GNAI3: variants seen among roughly 807,000 people sequenced by gnomAD.
GNAI3 encodes the protein guanine nucleotide-binding protein G(i) subunit alpha-3.
A neutral mutation model predicts 41.8 loss-of-function variants in GNAI3; 12 were observed. The ratio of observed to expected loss-of-function variants is 0.29; its 90% confidence interval spans 0.18 to 0.47. The LOEUF (loss-of-function observed/expected upper bound fraction) is 0.47. GNAI3 is among the 20% of genes least tolerant of loss of function. GNAI3 has a pLI of 1.00. For missense variants in GNAI3, 360 were observed against 429.6 expected, an observed-to-expected ratio of 0.84 and a Z score of 1.43; for synonymous variants, 132 against 146.5, an observed-to-expected ratio of 0.90 and a Z score of 0.71.
At chr1:109,555,606 A>G (rs918800748) in intron 1 of GNAI3, among the ~76,000 whole-genome samples, 1 of 152,194 alleles carries the variant, frequency 6.6e-6, no homozygotes, top group Admixed American at 6.5e-5. Context: ...GGTGCTTAAT[A>G]CTAGATTTCA....
intron 3 of GNAI3, among the ~76,000 whole-genome samples, chr1:109,577,939 T>A (rs1263381636): frequency 6.6e-6 from 1 of 152,228 alleles, no homozygotes; most frequent in East Asian, 1.9e-4. Context: ...CCCTTTCTCC[T>A]TTACTTTTTC....
chr1:109,591,194 T>C (rs1197817368), intron 7 of GNAI3, among the ~76,000 whole-genome samples: 2 of 152,242 alleles, frequency 1.3e-5, no homozygotes, highest in Non-Finnish European at 2.9e-5. Flanking sequence ...ATTCACTCTT[T>C]TAAAGTGTAT....
intron 1 of GNAI3, among the ~76,000 whole-genome samples, chr1:109,569,772 TG>T (rs1212376454): frequency 6.6e-6 from 1 of 151,286 alleles, no homozygotes; most frequent in African/African-American, 2.4e-5. Context: ...CAGGGAGCCT[TG>T]GAAAAATGTG....
chr1:109,560,661 C>G (rs986201455), intron 1 of GNAI3, among the ~76,000 whole-genome samples: 1 of 152,198 alleles, frequency 6.6e-6, no homozygotes, highest in Non-Finnish European at 1.5e-5. Context: ...TGTGATCCTC[C>G]TGTGTCAGCC....
At chr1:109,548,874 G>A in intron 1 of GNAI3, 36 bp downstream of exon 1, 1 of 1,365,712 alleles carries the variant, frequency 7.3e-7, no homozygotes, top group Non-Finnish European at 1.0e-6. Flanking sequence ...GTGGTGGTCG[G>A]GAGAGCCTAG....
At chr1:109,554,306 ACT>A (rs1314661944) in intron 1 of GNAI3, among the ~76,000 whole-genome samples, 1 of 152,144 alleles carries the variant, frequency 6.6e-6, no homozygotes, top group African/African-American at 2.4e-5. Context: ...GAACCTACAC[ACT>A]GTTTCCCATA....
At position 109,569,623 on chromosome 1, in the gene GNAI3, G is replaced by A. The variant is rs780221000; in HGVS notation, c.119-4114G>A. 2.6e-5 allele frequency among the ~76,000 whole-genome samples: 4 copies of A among 152,074 alleles called. No homozygotes were observed. In the South Asian group the frequency reaches 6.2e-4, roughly 24 times the overall value. On this transcript the variant is annotated intron_variant, in intron 1 of 8. Coordinates refer to ENST00000369851, the MANE Select transcript of GNAI3 (RefSeq NM_006496.4). ...AAGAGCCCAGACCTAATAAGAAAGG[G>A]TTATAGAAAGTGTTTCAATAATTTG...
intron 2 of GNAI3, 37 bp downstream of exon 2, chr1:109,573,816 T>C (rs1648668642): frequency 6.3e-7 from 1 of 1,593,570 alleles, no homozygotes; most frequent in Admixed American, 1.7e-5. Context: ...GACTAGGATT[T>C]CTCCTAATGC....
Position 109,582,503 on chromosome 1 carries a change from G to A in GNAI3, c.528G>A (p.Arg176=), listed in dbSNP as rs776209584. 9 of 1,596,298 alleles carry A rather than the reference G, an allele frequency of 5.6e-6. No homozygotes were observed. The South Asian group carries it at 8.8e-5, about 16-fold the overall frequency. ...TTCCAACTCAGCAAGATGTTCTTCG[G>A]ACGAGAGTGAAGACCACAGGCATTG... is the stretch of plus-strand genomic sequence containing the variant. ...NYIPTQQDVL[R]TRVKTTGIVE... Residue 176 remains arginine, a synonymous_variant, in exon 5 of 9, where the codon CGG becomes CGA. Coordinates refer to ENST00000369851, the MANE Select transcript of GNAI3 (RefSeq NM_006496.4).
At chr1:109,578,336 G>A (rs1449888535) in intron 3 of GNAI3, among the ~76,000 whole-genome samples, 1 of 152,038 alleles carries the variant, frequency 6.6e-6, no homozygotes, top group Non-Finnish European at 1.5e-5. Flanking sequence ...TGGGCATGGT[G>A]GCAGATGCCT....
chr1:109,572,384 G>A (rs967458273), intron 1 of GNAI3, among the ~76,000 whole-genome samples: 3 of 152,116 alleles, frequency 2.0e-5, no homozygotes, highest in Admixed American at 6.5e-5. Flanking sequence ...AAACCTGAAG[G>A]GTATGTTGGC....
At position 109,548,676 on chromosome 1, in the gene GNAI3, T is replaced by G; in HGVS notation, c.-45T>G. 7 of 1,356,336 alleles carry G rather than the reference T, an allele frequency of 5.2e-6. No homozygotes were observed. Among genetic ancestry groups the G allele is most frequent in the Admixed American group, 1.7e-5 (1 of 58,566 alleles). The allele number at this position is 1,356,336 out of a possible 1,614,324, so 84.0% of individuals were successfully genotyped here. A position where few individuals can be genotyped will look rare whatever the true frequency, so the allele number is the denominator to read the frequency against. ...TCAGCCTGCCGAGCCGCAGTTTCCG[T>G]GGTGTGAGTGAGTCCGGGCCCGTGT... On this transcript the variant is annotated 5_prime_UTR_variant, in exon 1 of 9. Coordinates refer to ENST00000369851, the MANE Select transcript of GNAI3 (RefSeq NM_006496.4).
Position 109,584,556 on chromosome 1 carries a change from G to C in GNAI3, c.591-1660G>C, listed in dbSNP as rs543914816. The stretch of plus-strand genomic sequence containing the variant: ...TCTAATTAAGGTGCCACACCTACTT[G>C]ATTGTTGGCATGTAGATATCTTGTT... On this transcript the variant is annotated intron_variant, in intron 5 of 8. Transcript: ENST00000369851. Among the ~76,000 whole-genome samples the C allele has an allele frequency of 1.8e-4, 28 of 152,286 alleles. No homozygotes were observed. The South Asian group carries it at 5.8e-3, about 32-fold the overall frequency.
In GNAI3 at chr1:109,586,262, C is replaced by T; in HGVS notation, c.637C>T (p.His213Tyr). The change falls in exon 6 of 9, where the codon CAC becomes TAC. Residue 213 changes from histidine (H) to tyrosine (Y), a missense_variant. By Grantham distance (83) the His-to-Tyr change is moderately conservative. Coordinates refer to ENST00000369851, the MANE Select transcript of GNAI3 (RefSeq NM_006496.4). ...GQRSERKKWI[H>Y]CFEGVTAIIF... ...AAGATCAGAACGAAAAAAGTGGATT[C>T]ACTGTTTTGAGGGAGTGACAGCAAT... The T allele has an allele frequency of 6.2e-7, 1 of 1,613,300 alleles. No homozygotes were observed. The highest frequency in any genetic ancestry group is 8.5e-7 in the Non-Finnish European group (1 of 1,179,438).
intron 3 of GNAI3, among the ~76,000 whole-genome samples, chr1:109,574,468 A>C (rs1490866959): frequency 6.6e-6 from 1 of 152,186 alleles, no homozygotes; most frequent in Non-Finnish European, 1.5e-5. Context: ...CACTAAGTCC[A>C]AATTCTTGAA....
intron 2 of GNAI3, 55 bp downstream of exon 2, chr1:109,573,834 G>C (rs959752049): frequency 1.3e-5 from 20 of 1,591,698 alleles, no homozygotes; most frequent in Admixed American, 1.7e-5. Flanking sequence ...TGCATATAAA[G>C]TCCATAGTAT....
intron 1 of GNAI3, among the ~76,000 whole-genome samples, chr1:109,551,864 A>G (rs1424747418): frequency 1.3e-5 from 2 of 152,116 alleles, no homozygotes; most frequent in Non-Finnish European, 2.9e-5. Flanking sequence ...AATTTCATTT[A>G]GATGTTCTTG....
chr1:109,592,130 C>A lies in GNAI3; in HGVS notation c.962C>A (p.Thr321Asn). 2.5e-6 allele frequency: 4 copies of A among 1,610,784 alleles called. No homozygotes were observed. The highest frequency in any genetic ancestry group is 3.4e-6 in the Non-Finnish European group (4 of 1,176,916). The change falls in exon 8 of 9, where the codon ACT (threonine) becomes AAT (asparagine). Residue 321 changes from threonine to asparagine, a missense_variant. By Grantham distance (65) the Thr-to-Asn change is moderately conservative. Coordinates refer to ENST00000369851, the MANE Select transcript of GNAI3 (RefSeq NM_006496.4). Reference protein sequence around the residue: ...NRRKDTKEIYTHFTCATDTKN... With the variant: ...NRRKDTKEIYNHFTCATDTKN... ...AGAAAAGATACCAAGGAGATCTATA[C>A]TCACTTCACCTGTGCCACAGACACG... is the stretch of plus-strand genomic sequence containing the variant.
rs1649201290 is a variant in GNAI3 at position 109,592,685 on chromosome 1, G to GA, written c.*363_*364insA. ...TAAACCACCAGTGGTTCATTTTTAA[G>GA]GTTTTTTCATCAAGAGAAGAATAAC... On this transcript the variant is annotated 3_prime_UTR_variant, in exon 9 of 9. Transcript: ENST00000369851. The GA allele has an allele frequency of 6.5e-6, 1 of 152,998 alleles. No individual in the cohort carries two copies. Among genetic ancestry groups the GA allele is most frequent in the Non-Finnish European group, 1.5e-5 (1 of 68,424 alleles). 9.5% of individuals were successfully genotyped at this position (152,998 alleles called of 1,614,324 possible).
Sources: allele counts gnomAD v4.1 joint callset (sites outside exome capture counted in the v4.1 genomes callset), GRCh38; gene constraint gnomAD v4.1.1; transcripts MANE v1.5; gene names NCBI Gene and HGNC (gene_info 2026-07-23, HGNC 2026-07-21).